NEURL1: variants seen among roughly 807,000 people sequenced by gnomAD.
NEURL1 encodes the protein E3 ubiquitin-protein ligase NEURL1.
Under a neutral mutation model 41.2 loss-of-function variants are expected in NEURL1, and 26 were observed. That is an observed-to-expected ratio of 0.63 (90% CI 0.46 to 0.87). The LOEUF is 0.87. NEURL1 is among the 40% of genes least tolerant of loss of function. The pLI is 0.00. For synonymous variants in NEURL1, 400 were observed against 402.3 expected (o/e 0.99, Z 0.07); for missense variants, 761 against 871.1 (o/e 0.87, Z 1.59).
chr10:103,590,835 T>C lies in NEURL1; in HGVS notation c.*463T>C, dbSNP rs1031640460. 10 of 187,628 alleles carry C rather than the reference T, an allele frequency of 5.3e-5. No individual in the cohort carries two copies. The Admixed American group carries it at 5.4e-4, about 10-fold the overall frequency. The allele number at this position is 187,628 out of a possible 1,614,324, so 11.6% of individuals were successfully genotyped here. A position where few individuals can be genotyped will look rare whatever the true frequency, so the allele number is the denominator to read the frequency against. On this transcript the variant is annotated 3_prime_UTR_variant, in exon 6 of 6. Coordinates refer to ENST00000369780, the MANE Select transcript of NEURL1 (RefSeq NM_004210.5). ...AGCATGGAGTGGATTTTAGGCTCATTTGCCCTCTCAGCCAACTGCCCTTGA... is the reference window on the plus strand; with the variant it reads ...AGCATGGAGTGGATTTTAGGCTCATCTGCCCTCTCAGCCAACTGCCCTTGA...
chr10:103,505,428 T>A (rs1341710968), intron 1 of NEURL1, among the ~76,000 whole-genome samples: 2 of 152,206 alleles, frequency 1.3e-5, no homozygotes, highest in African/African-American at 4.8e-5. Flanking sequence ...TTTTGCCATG[T>A]TGGCCAGGCT....
At chr10:103,538,989 C>T (rs2034761040) in intron 1 of NEURL1, among the ~76,000 whole-genome samples, 1 of 149,378 alleles carries the variant, frequency 6.7e-6, no homozygotes, top group Admixed American at 6.7e-5. Context: ...CGCTGTTACC[C>T]AGGCTGGAGT....
chr10:103,585,046 G>A lies in NEURL1; in HGVS notation c.1160G>A (p.Cys387Tyr). 6.3e-7 allele frequency: 1 copy of A among 1,589,084 alleles called. No individual in the cohort carries two copies. The highest frequency in any genetic ancestry group is 8.5e-7 in the Non-Finnish European group (1 of 1,175,740). ...LVDRKEFWAV[C>Y]RVPGPLHSGD... is the part of the protein sequence containing the mutation. ...GACCGCAAGGAATTCTGGGCCGTGT[G>A]CCGCGTGCCCGGGCCCCTGCACAGC... The change falls in exon 4 of 6, where the codon TGC becomes TAC. Residue 387 changes from cysteine to tyrosine, a missense_variant. Cys to Tyr is a radical substitution (Grantham distance 194). Transcript: ENST00000369780.
At chr10:103,506,382 T>G (rs934584768) in intron 1 of NEURL1, among the ~76,000 whole-genome samples, 1 of 152,150 alleles carries the variant, frequency 6.6e-6, no homozygotes, top group African/African-American at 2.4e-5. Flanking sequence ...ATTCATTTCA[T>G]GTATTGGTGC....
chr10:103,561,874 A>G (rs1299564432), intron 1 of NEURL1, among the ~76,000 whole-genome samples: 7 of 152,334 alleles, frequency 4.6e-5, no homozygotes, highest in Admixed American at 1.3e-4. Context: ...GGCTGTAGTC[A>G]GGCATGCTAG....
chr10:103,513,109 G>A (rs974188878), intron 1 of NEURL1, among the ~76,000 whole-genome samples: 1 of 151,774 alleles, frequency 6.6e-6, no homozygotes, highest in Non-Finnish European at 1.5e-5. Context: ...GTGCCCACCC[G>A]GCTTTGCTGC....
At chr10:103,550,312 T>TC (rs2035008900) in intron 1 of NEURL1, among the ~76,000 whole-genome samples, 1 of 152,016 alleles carries the variant, frequency 6.6e-6, no homozygotes, top group Non-Finnish European at 1.5e-5. Flanking sequence ...ACAGCTATAG[T>TC]AGTGGGGAGG....
chr10:103,504,144 C>T (rs1235007551), intron 1 of NEURL1, among the ~76,000 whole-genome samples: 1 of 151,976 alleles, frequency 6.6e-6, no homozygotes, highest in Non-Finnish European at 1.5e-5. Context: ...CAGGCACACA[C>T]CACCACGCCC....
At chr10:103,557,070 A>C (rs1202042206) in intron 1 of NEURL1, among the ~76,000 whole-genome samples, 2 of 152,106 alleles carry the variant, frequency 1.3e-5, no homozygotes, top group Admixed American at 1.3e-4. Context: ...AGGAAGGCAA[A>C]TGTCTTCCCG....
chr10:103,587,058 AAGAG>A (rs144926198), intron 4 of NEURL1, among the ~76,000 whole-genome samples: 7,065 of 151,942 alleles, frequency 0.046, 555 homozygotes, highest in African/African-American at 0.16. Context: ...CAAGAAAAGA[AAGAG>A]AGAGAGAGAA....
At chr10:103,588,580 G>A (rs2035971009) in intron 4 of NEURL1, 1 of 333,334 alleles carries the variant, frequency 3.0e-6, no homozygotes, top group African/African-American at 2.2e-5. Context: ...CTGATGCCTG[G>A]TAGGTCCTTG....
In NEURL1 at chr10:103,503,788, C is replaced by CTTTT. The variant is rs56098530; in HGVS notation, c.85+9333_85+9336dup. On this transcript the variant is annotated intron_variant, in intron 1 of 5. Coordinates refer to ENST00000369780, the MANE Select transcript of NEURL1 (RefSeq NM_004210.5). ...AGAGCTCATGCTGTGCTCCCCCTGG[C>CTTTT]TTTTTTTTTTTTTTTTTTTTGAGAC... 1.8e-3 allele frequency among the ~76,000 whole-genome samples: 196 copies of CTTTT among 110,536 alleles called. 31 individuals carry two copies. Among genetic ancestry groups the CTTTT allele is most frequent in the Non-Finnish European group, 2.0e-3 (113 of 57,730 alleles). The allele number at this position is 110,536 out of a possible 152,430, so 72.5% of individuals were successfully genotyped here. A position where few individuals can be genotyped will look rare whatever the true frequency, so the allele number is the denominator to read the frequency against.
chr10:103,525,226 G>A (rs151217272), intron 1 of NEURL1, among the ~76,000 whole-genome samples: 22 of 151,410 alleles, frequency 1.5e-4, no homozygotes, highest in African/African-American at 5.1e-4. Context: ...TTTTCTGCTA[G>A]TTTGTTGTTG....
intron 1 of NEURL1, chr10:103,555,451 A>T: frequency 7.5e-7 from 1 of 1,341,856 alleles, no homozygotes; most frequent in South Asian, 1.2e-5. Context: ...CGCCCACCCC[A>T]GCCCGAGACC....
At chr10:103,574,157 G>A (rs2035608560) in intron 3 of NEURL1, among the ~76,000 whole-genome samples, 1 of 152,208 alleles carries the variant, frequency 6.6e-6, no homozygotes, top group Non-Finnish European at 1.5e-5. Context: ...AAAACGGCAG[G>A]TGGGTGGGGG....
At position 103,506,594 on chromosome 10, in the gene NEURL1, C is replaced by A. The variant is rs1322739819; in HGVS notation, c.85+12122C>A. Among the ~76,000 whole-genome samples, 8 of 151,574 alleles carry A rather than the reference C, an allele frequency of 5.3e-5. 1 individual carries two copies. On this transcript the variant is annotated intron_variant, in intron 1 of 5. Coordinates refer to ENST00000369780, the MANE Select transcript of NEURL1 (RefSeq NM_004210.5). ...TTTTTTTTTGAGACGGAGTCTCACT[C>A]TGTCGCCCAGGCTGGAGTATAGTGG...
intron 1 of NEURL1, among the ~76,000 whole-genome samples, chr10:103,522,252 C>G (rs2034366238): frequency 6.6e-6 from 1 of 152,062 alleles, no homozygotes; most frequent in Non-Finnish European, 1.5e-5. Flanking sequence ...GGCTTGGGCT[C>G]AGAGGCCTGA....
chr10:103,496,883 ATTGC>A (rs1326985292), intron 1 of NEURL1, among the ~76,000 whole-genome samples: 1 of 151,936 alleles, frequency 6.6e-6, no homozygotes. Context: ...CTCCCAACTA[ATTGC>A]ATCTTTTTAA....
intron 1 of NEURL1, among the ~76,000 whole-genome samples, chr10:103,535,063 C>G (rs546166198): frequency 1.3e-5 from 2 of 152,246 alleles, no homozygotes; most frequent in East Asian, 3.9e-4. Context: ...AGCAGCAACT[C>G]AGATCCCAGG....
Sources: allele counts gnomAD v4.1 joint callset (sites outside exome capture counted in the v4.1 genomes callset), GRCh38; gene constraint gnomAD v4.1.1; transcripts MANE v1.5; gene names NCBI Gene and HGNC (gene_info 2026-07-23, HGNC 2026-07-21).